The following TLL1 variants were observed in gnomAD, a reference collection of about 807,000 sequenced individuals.
TLL1 encodes tolloid like 1.
Under a neutral mutation model 128.2 loss-of-function variants are expected in TLL1, and 49 were observed. The observed-to-expected ratio is 0.38, with a 90% CI of 0.30 to 0.48. The LOEUF is 0.48. Ranked by LOEUF, TLL1 falls within the 20% of genes least tolerant of loss-of-function variation. TLL1 has a pLI of 0.96. For synonymous variants in TLL1, 454 were observed against 418.8 expected, an observed-to-expected ratio of 1.08 and a Z score of -1.03; for missense variants, 1,123 against 1,242.0, an observed-to-expected ratio of 0.90 and a Z score of 1.44.
chr4:166,029,462 C>A (rs1420003313), intron 9 of TLL1, among the ~76,000 whole-genome samples: 1 of 151,844 alleles, frequency 6.6e-6, no homozygotes, highest in Non-Finnish European at 1.5e-5. Context: ...CAAATGCTAC[C>A]ATGGATTTTT....
chr4:166,047,843 G>A (rs1183636681), intron 12 of TLL1, among the ~76,000 whole-genome samples: 1 of 152,124 alleles, frequency 6.6e-6, no homozygotes, highest in Non-Finnish European at 1.5e-5. Context: ...TTTATATGGT[G>A]AAACACTGAT....
At chr4:166,078,085 T>C (rs992494931) in intron 18 of TLL1, 55 bp downstream of exon 18, 47 of 1,608,090 alleles carry the variant, frequency 2.9e-5, no homozygotes, top group Non-Finnish European at 3.7e-5. Context: ...TGTCTTTCAC[T>C]ACAAGCACTT....
intron 1 of TLL1, among the ~76,000 whole-genome samples, chr4:165,882,871 G>T (rs1731021406): frequency 6.6e-6 from 1 of 151,810 alleles, no homozygotes; most frequent in Admixed American, 6.6e-5. Context: ...GCCTGCCTCA[G>T]CTTCTACTTG....
At chr4:166,028,300 T>C (rs1320437890) in intron 9 of TLL1, among the ~76,000 whole-genome samples, 1 of 152,072 alleles carries the variant, frequency 6.6e-6, no homozygotes, top group East Asian at 1.9e-4. Flanking sequence ...ACCCACATAT[T>C]TTTTCAGTAA....
chr4:165,887,812 G>A (rs1163755955), intron 1 of TLL1, among the ~76,000 whole-genome samples: 1 of 151,986 alleles, frequency 6.6e-6, no homozygotes, highest in Admixed American at 6.5e-5. Context: ...ATCTGTATTT[G>A]TTTAGGCCTC....
At chr4:166,064,870 C>T (rs1480817150) in intron 15 of TLL1, among the ~76,000 whole-genome samples, 1 of 152,070 alleles carries the variant, frequency 6.6e-6, no homozygotes, top group African/African-American at 2.4e-5. Flanking sequence ...TGACATATTT[C>T]AAAGCACAGA....
chr4:165,928,700 T>C (rs1733379075), intron 1 of TLL1, among the ~76,000 whole-genome samples: 2 of 152,200 alleles, frequency 1.3e-5, no homozygotes, highest in African/African-American at 2.4e-5. Context: ...CATCTAGCCA[T>C]TGCTGTTGGA....
At chr4:165,904,603 T>C (rs1579466031) in intron 1 of TLL1, among the ~76,000 whole-genome samples, 1 of 152,372 alleles carries the variant, frequency 6.6e-6, no homozygotes, top group African/African-American at 2.4e-5. Context: ...TTCTGATATG[T>C]AGATTTATCT....
rs987170786 is a variant in TLL1 at position 165,940,837 on chromosome 4, G to A, written c.170-48544G>A. Reference sequence around the variant, plus strand: ...AATTTCTGGACTGAATATGATATTGGGCAGAGCCAGACTTGCTTTCATTTG... The same window carrying A: ...AATTTCTGGACTGAATATGATATTGAGCAGAGCCAGACTTGCTTTCATTTG... On this transcript the variant is annotated intron_variant, in intron 1 of 20. Transcript: ENST00000061240. Among the ~76,000 whole-genome samples, 8 of 151,992 alleles carry A rather than the reference G, an allele frequency of 5.3e-5. No homozygotes were observed. In the East Asian group the frequency reaches 1.5e-3, roughly 29 times the overall value.
chr4:165,927,467 C>T (rs1465237906), intron 1 of TLL1, among the ~76,000 whole-genome samples: 2 of 152,072 alleles, frequency 1.3e-5, no homozygotes, highest in African/African-American at 2.4e-5. Flanking sequence ...GTGACAACAT[C>T]GTTGTTTTTA....
chr4:166,051,612 A>G lies in TLL1; in HGVS notation c.1525-3464A>G, dbSNP rs28496281. On this transcript the variant is annotated intron_variant, in intron 12 of 20. Coordinates refer to ENST00000061240, the MANE Select transcript of TLL1 (RefSeq NM_012464.5). ...ATCACTCGTGTTGATGTAGCTGATG[A>G]AGTATAATTATGATTAGTACAAATG... Among the ~76,000 whole-genome samples, 449 of 152,278 alleles carry G rather than the reference A, an allele frequency of 2.9e-3. 4 individuals carry two copies. The highest frequency in any genetic ancestry group is 0.01 in the African/African-American group (417 of 41,582).
intron 18 of TLL1, among the ~76,000 whole-genome samples, chr4:166,089,211 C>T (rs1741652833): frequency 6.6e-6 from 1 of 152,062 alleles, no homozygotes; most frequent in African/African-American, 2.4e-5. Context: ...AATTCAGAAG[C>T]TTAGTTTCAT....
chr4:165,903,407 T>C (rs1268403175), intron 1 of TLL1, among the ~76,000 whole-genome samples: 1 of 150,472 alleles, frequency 6.6e-6, no homozygotes, highest in Non-Finnish European at 1.5e-5. Flanking sequence ...GTAGATCTTT[T>C]TCTTGTTTTT....
intron 18 of TLL1, among the ~76,000 whole-genome samples, chr4:166,087,241 TC>T (rs1390040367): frequency 6.6e-6 from 1 of 152,180 alleles, no homozygotes; most frequent in Non-Finnish European, 1.5e-5. Context: ...GTTTTGGAGT[TC>T]TGCTATATAA....
chr4:166,006,794 T>A (rs1172644214), intron 6 of TLL1, among the ~76,000 whole-genome samples: 1 of 151,746 alleles, frequency 6.6e-6, no homozygotes, highest in African/African-American at 2.4e-5. Context: ...CACCTTGTTC[T>A]GGGACTTGGG....
chr4:166,085,607 C>T (rs1269881431), intron 18 of TLL1, among the ~76,000 whole-genome samples: 1 of 151,962 alleles, frequency 6.6e-6, no homozygotes, highest in African/African-American at 2.4e-5. Context: ...TTGAACCATC[C>T]TTGCATCCTT....
At position 166,062,532 on chromosome 4, in the gene TLL1, T is replaced by A. The variant is rs11762314; in HGVS notation, c.2007+2344T>A. 4.6e-5 allele frequency among the ~76,000 whole-genome samples: 7 copies of A among 152,280 alleles called. 1 individual carries two copies. The South Asian group carries it at 1.5e-3, about 32-fold the overall frequency. The stretch of plus-strand genomic sequence containing the variant: ...TGGCTCTCTGTTTGTCTGTTATTGG[T>A]GTATAGAAATGCTTGTGATTTTTGC... On this transcript the variant is annotated intron_variant, in intron 15 of 20. Transcript: ENST00000061240.
intron 1 of TLL1, among the ~76,000 whole-genome samples, chr4:165,938,311 G>A (rs1448342229): frequency 6.6e-6 from 1 of 152,000 alleles, no homozygotes; most frequent in Non-Finnish European, 1.5e-5. Context: ...TATTTTTGGT[G>A]AGCCTTCATG....
At position 166,003,519 on chromosome 4, in the gene TLL1, G is replaced by T. The variant is rs1737262377; in HGVS notation, c.761G>T (p.Arg254Ile). The T allele has an allele frequency of 6.2e-7, 1 of 1,613,912 alleles. No individual in the cohort carries two copies. Among genetic ancestry groups the T allele is most frequent in the Admixed American group, 1.7e-5 (1 of 59,974 alleles). Residue 254 changes from arginine to isoleucine, a missense_variant, in exon 6 of 21, where the codon AGA (arginine) becomes ATA (isoleucine). Physicochemically the swap from Arg to Ile is moderately conservative, Grantham distance 97. Transcript: ENST00000061240. ...HVIGFWHEHT[R>I]PDRDNHVTII... ...ATAGGCTTTTGGCATGAACACACAA[G>T]ACCAGATCGAGATAACCACGTAACT... is the stretch of plus-strand genomic sequence containing the variant.
Sources: gnomAD v4.1 joint callset for allele counts (sites outside exome capture counted in the v4.1 genomes callset) on GRCh38, gnomAD v4.1.1 for gene constraint, MANE v1.5 for transcripts, NCBI Gene and HGNC (gene_info 2026-07-23, HGNC 2026-07-21) for gene names.